IL1RAPL2: variants seen among roughly 807,000 people sequenced by gnomAD.
IL1RAPL2 encodes interleukin 1 receptor accessory protein like 2, also known as X-linked interleukin-1 receptor accessory protein-like 2.
Under a neutral mutation model 44.1 loss-of-function variants are expected in IL1RAPL2, and 3 were observed. The ratio of observed to expected loss-of-function variants is 0.07; its 90% CI spans 0.03 to 0.18. IL1RAPL2 has a LOEUF of 0.18. Ranked by LOEUF, IL1RAPL2 falls within the 10% of genes least tolerant of loss-of-function variation. IL1RAPL2 has a pLI of 1.00. For synonymous variants in IL1RAPL2, 181 were observed against 178.8 expected, an observed-to-expected ratio of 1.01 and a Z score of -0.10; for missense variants, 391 against 496.4, an observed-to-expected ratio of 0.79 and a Z score of 2.02.
chrX:105,071,794 G>A (rs760501990), intron 2 of IL1RAPL2, among the ~76,000 whole-genome samples: 2 of 111,911 alleles, frequency 1.8e-5, no homozygotes, highest in Non-Finnish European at 3.8e-5. Flanking sequence ...TCCATACGTG[G>A]TGTTAGGAAA....
At chrX:105,365,904 G>A (rs1413469623) in intron 5 of IL1RAPL2, among the ~76,000 whole-genome samples, 2 of 109,732 alleles carry the variant, frequency 1.8e-5, no homozygotes, top group African/African-American at 6.6e-5. Flanking sequence ...AGCCTCTTGA[G>A]TAGCTGGGAC....
chrX:104,899,689 A>T (rs1301308245), intron 2 of IL1RAPL2, among the ~76,000 whole-genome samples: 1 of 111,396 alleles, frequency 9.0e-6, no homozygotes, highest in Admixed American at 9.6e-5. Flanking sequence ...CCTCATGCTC[A>T]TTCCTACTTT....
intron 2 of IL1RAPL2, among the ~76,000 whole-genome samples, chrX:105,116,637 C>T (rs2032865295): frequency 1.8e-5 from 2 of 112,133 alleles, no homozygotes; most frequent in Non-Finnish European, 3.8e-5. Flanking sequence ...GAGCAGCAAA[C>T]CTACATGTAA....
chrX:104,845,444 T>C (rs907817159), intron 2 of IL1RAPL2, among the ~76,000 whole-genome samples: 1 of 112,010 alleles, frequency 8.9e-6, no homozygotes, highest in Non-Finnish European at 1.9e-5. Flanking sequence ...ACAAGTGCCA[T>C]AGTAAACTAT....
At chrX:105,718,035 C>T (rs2038271795) in intron 7 of IL1RAPL2, among the ~76,000 whole-genome samples, 1 of 112,056 alleles carries the variant, frequency 8.9e-6, no homozygotes, top group Non-Finnish European at 1.9e-5. Context: ...ACAAATAATT[C>T]TCTGGTTTAT....
chrX:105,000,861 T>C (rs1049798626), intron 2 of IL1RAPL2, among the ~76,000 whole-genome samples: 5 of 111,430 alleles, frequency 4.5e-5, no homozygotes, highest in African/African-American at 1.6e-4. Context: ...TAGTATTGAA[T>C]TCCAGATATA....
chrX:104,993,503 T>C (rs2030699802), intron 2 of IL1RAPL2, among the ~76,000 whole-genome samples: 1 of 111,979 alleles, frequency 8.9e-6, no homozygotes, highest in African/African-American at 3.2e-5. Flanking sequence ...AACTTAAATT[T>C]TGTTTACTAT....
chrX:105,678,925 C>T (rs2037897698), intron 6 of IL1RAPL2, among the ~76,000 whole-genome samples: 1 of 109,055 alleles, frequency 9.2e-6, no homozygotes, highest in Non-Finnish European at 1.9e-5. Context: ...TATGTATGCA[C>T]AATAAAAAAA....
At chrX:104,932,850 A>G (rs1924940758) in intron 2 of IL1RAPL2, among the ~76,000 whole-genome samples, 1 of 112,359 alleles carries the variant, frequency 8.9e-6, no homozygotes, top group Non-Finnish European at 1.9e-5. Flanking sequence ...GTAGGGATTT[A>G]AAGTTTGCTG....
intron 6 of IL1RAPL2, among the ~76,000 whole-genome samples, chrX:105,670,973 A>G (rs1199407889): frequency 9.2e-6 from 1 of 108,452 alleles, no homozygotes; most frequent in Non-Finnish European, 1.9e-5. Flanking sequence ...TTTGAGAGAG[A>G]GTTTCACTCT....
At chrX:105,712,982 A>G (rs1258871940) in intron 6 of IL1RAPL2, among the ~76,000 whole-genome samples, 2 of 111,420 alleles carry the variant, frequency 1.8e-5, no homozygotes, top group Admixed American at 9.5e-5. Context: ...AAGCTCCAAA[A>G]TCTCCTTTGA....
At chrX:104,593,285 G>T (rs1251562215) in intron 1 of IL1RAPL2, among the ~76,000 whole-genome samples, 3 of 111,623 alleles carry the variant, frequency 2.7e-5, no homozygotes, top group Non-Finnish European at 5.6e-5. Flanking sequence ...TCAGGCATCT[G>T]CTACCCTGTA....
In IL1RAPL2 at chrX:104,674,695, T is replaced by A. The variant is rs758224872; in HGVS notation, c.82+15700T>A. On this transcript the variant is annotated intron_variant, in intron 2 of 10. Transcript: ENST00000372582. The stretch of plus-strand genomic sequence containing the variant: ...TGGTACCAGTTCCTCCTTGTACCTC[T>A]GGTAGAATTCGGCTGTGAATCCATC... 2.9e-4 allele frequency among the ~76,000 whole-genome samples: 32 copies of A among 110,263 alleles called. No individual in the cohort carries two copies. In the Middle Eastern group the frequency reaches 0.018, roughly 64 times the overall value.
chrX:104,860,698 GA>G (rs925805427), intron 2 of IL1RAPL2, among the ~76,000 whole-genome samples: 3 of 110,782 alleles, frequency 2.7e-5, no homozygotes, highest in Non-Finnish European at 3.8e-5. Context: ...TGTCAGCACT[GA>G]AAAAAATTTT....
intron 6 of IL1RAPL2, among the ~76,000 whole-genome samples, chrX:105,584,764 A>G (rs2147815860): frequency 9.0e-6 from 1 of 111,063 alleles, no homozygotes; most frequent in East Asian, 2.8e-4. Context: ...TCTTCTTTTG[A>G]GAGTCTTGAT....
chrX:105,747,478 CTCTG>C (rs2038554431), intron 8 of IL1RAPL2, among the ~76,000 whole-genome samples: 2 of 71,215 alleles, frequency 2.8e-5, no homozygotes, highest in South Asian at 8.8e-4. Flanking sequence ...CTCTCTCTCT[CTCTG>C]TGTGTGTGTA....
intron 2 of IL1RAPL2, among the ~76,000 whole-genome samples, chrX:104,776,132 C>G (rs1021530928): frequency 1.8e-5 from 2 of 111,937 alleles, no homozygotes; most frequent in Non-Finnish European, 3.8e-5. Context: ...TTGATGGACA[C>G]ATTTTGTGAG....
intron 2 of IL1RAPL2, among the ~76,000 whole-genome samples, chrX:104,725,041 C>A (rs779127341): frequency 9.0e-6 from 1 of 111,252 alleles, no homozygotes; most frequent in East Asian, 2.9e-4. Flanking sequence ...CCCTAGCTCC[C>A]CAACCCCGAC....
intron 1 of IL1RAPL2, among the ~76,000 whole-genome samples, chrX:104,607,372 A>G (rs184376635): frequency 5.8e-4 from 65 of 112,228 alleles, no homozygotes; most frequent in Admixed American, 5.7e-3. Flanking sequence ...TGGCAACAAA[A>G]GCCAAAATTG....
Sources: gnomAD v4.1 joint callset for allele counts (sites outside exome capture counted in the v4.1 genomes callset) on GRCh38, gnomAD v4.1.1 for gene constraint, MANE v1.5 for transcripts, NCBI Gene and HGNC (gene_info 2026-07-23, HGNC 2026-07-21) for gene names.